Variants in FTO observed in about 807,000 individuals in gnomAD.
FTO encodes the protein alpha-ketoglutarate-dependent dioxygenase FTO.
Under a neutral mutation model 63.9 loss-of-function variants are expected in FTO, and 47 were observed. The ratio of observed to expected loss-of-function variants is 0.74; its 90% CI spans 0.58 to 0.94. FTO has a LOEUF of 0.94. Ranked by LOEUF, FTO falls within the 40% of genes least tolerant of loss-of-function variation. The pLI, the probability that FTO is intolerant of heterozygous loss-of-function variation, is 0.00. For synonymous variants in FTO, 207 were observed against 224.4 expected (o/e 0.92, Z 0.69); for missense variants, 562 against 618.1 (o/e 0.91, Z 0.96).
intron 8 of FTO, chr16:53,937,520 C>T (rs1046387770): frequency 1.9e-5 from 7 of 361,722 alleles, no homozygotes; most frequent in Non-Finnish European, 2.0e-5. Flanking sequence ...CTGCAAGGAC[C>T]GGGTGTCCCA....
At chr16:54,041,456 CAT>C (rs1267163789) in intron 8 of FTO, among the ~76,000 whole-genome samples, 2 of 152,158 alleles carry the variant, frequency 1.3e-5, no homozygotes, top group Admixed American at 1.3e-4. Flanking sequence ...AACCATATCA[CAT>C]GTTAAACTTT....
At chr16:53,811,725 C>G (rs1171142816) in intron 2 of FTO, among the ~76,000 whole-genome samples, 1 of 152,168 alleles carries the variant, frequency 6.6e-6, no homozygotes, top group Non-Finnish European at 1.5e-5. Context: ...TGGATTTTTG[C>G]AGTACTTTAA....
intron 7 of FTO, among the ~76,000 whole-genome samples, chr16:53,910,067 T>C (rs149926069): frequency 1.3e-5 from 2 of 152,216 alleles, no homozygotes; most frequent in East Asian, 3.9e-4. Flanking sequence ...AATTTATTAT[T>C]TGTGGAGATG....
chr16:53,738,607 C>T (rs1346655609), intron 1 of FTO, among the ~76,000 whole-genome samples: 1 of 152,050 alleles, frequency 6.6e-6, no homozygotes, highest in African/African-American at 2.4e-5. Context: ...TGAGCATATA[C>T]CTGGAAGTGG....
intron 8 of FTO, among the ~76,000 whole-genome samples, chr16:54,074,253 A>G (rs1263633008): frequency 6.6e-6 from 1 of 152,172 alleles, no homozygotes; most frequent in East Asian, 1.9e-4. Context: ...TTGAGGCTAA[A>G]TATTTCTGGG....
chr16:53,723,614 A>T (rs2076088566), intron 1 of FTO, among the ~76,000 whole-genome samples: 1 of 152,232 alleles, frequency 6.6e-6, no homozygotes, highest in Non-Finnish European at 1.5e-5. Flanking sequence ...CCTCATCACA[A>T]GTATGTAGCA....
chr16:54,085,049 T>G (rs1317758126), intron 8 of FTO, among the ~76,000 whole-genome samples: 3 of 110,484 alleles, frequency 2.7e-5, no homozygotes, highest in African/African-American at 8.7e-5. Flanking sequence ...GGTGCCTTAC[T>G]TACTGCTCCC....
intron 8 of FTO, among the ~76,000 whole-genome samples, chr16:53,973,129 A>C (rs1172390129): frequency 6.6e-6 from 1 of 152,134 alleles, no homozygotes; most frequent in African/African-American, 2.4e-5. Context: ...TTAGCCTCCT[A>C]AGCAAAGATC....
At chr16:54,001,977 A>G (rs776410128) in intron 8 of FTO, among the ~76,000 whole-genome samples, 4 of 152,162 alleles carry the variant, frequency 2.6e-5, no homozygotes, top group South Asian at 4.1e-4. Context: ...GATTAGTCAC[A>G]TTTTGTTTCA....
intron 8 of FTO, among the ~76,000 whole-genome samples, chr16:54,062,822 G>T (rs2085616264): frequency 6.6e-6 from 1 of 152,194 alleles, no homozygotes; most frequent in East Asian, 1.9e-4. Flanking sequence ...CTGTGAAAGT[G>T]GCTGGGGATC....
chr16:53,799,826 A>T (rs560236868), intron 1 of FTO, among the ~76,000 whole-genome samples: 30 of 152,294 alleles, frequency 2.0e-4, no homozygotes, highest in Non-Finnish European at 3.5e-4. Flanking sequence ...TGTCTATTTT[A>T]TCTAAGTTCT....
intron 8 of FTO, among the ~76,000 whole-genome samples, chr16:54,081,883 G>A (rs1003154988): frequency 5.9e-5 from 9 of 152,108 alleles, no homozygotes; most frequent in Admixed American, 3.3e-4. Context: ...AAATCATAAC[G>A]GAACAGAGAT....
chr16:53,976,958 C>A (rs1408284608), intron 8 of FTO, among the ~76,000 whole-genome samples: 4 of 152,004 alleles, frequency 2.6e-5, no homozygotes, highest in Admixed American at 1.3e-4. Context: ...AATGATGTTG[C>A]CTTTCTCTCT....
chr16:54,086,344 C>G (rs1487359240), intron 8 of FTO, among the ~76,000 whole-genome samples: 1 of 152,214 alleles, frequency 6.6e-6, no homozygotes, highest in Non-Finnish European at 1.5e-5. Context: ...GGCAAGGGCA[C>G]TGCAGGATCA....
intron 8 of FTO, among the ~76,000 whole-genome samples, chr16:54,068,000 T>A (rs2085774651): frequency 6.6e-6 from 1 of 151,990 alleles, no homozygotes; most frequent in South Asian, 2.1e-4. Flanking sequence ...CTCCTCCAGA[T>A]ATAACTGGGG....
chr16:53,766,654 A>G (rs2077210602), intron 1 of FTO, among the ~76,000 whole-genome samples: 1 of 152,132 alleles, frequency 6.6e-6, no homozygotes, highest in Non-Finnish European at 1.5e-5. Flanking sequence ...ACCATCAAAG[A>G]GGCTGTTGTG....
chr16:53,815,567 T>TC (rs2078652115), intron 2 of FTO, among the ~76,000 whole-genome samples: 2 of 151,346 alleles, frequency 1.3e-5, no homozygotes, highest in African/African-American at 4.9e-5. Context: ...TTTTGTTGAG[T>TC]CGCCTTTGCT....
chr16:54,023,932 A>G (rs1335610223), intron 8 of FTO, among the ~76,000 whole-genome samples: 1 of 152,096 alleles, frequency 6.6e-6, no homozygotes, highest in African/African-American at 2.4e-5. Flanking sequence ...TTTTTATTTA[A>G]TGCTACATTG....
chr16:53,874,680 G>A (rs1038288334), intron 5 of FTO, among the ~76,000 whole-genome samples: 9 of 152,198 alleles, frequency 5.9e-5, no homozygotes, highest in African/African-American at 1.4e-4. Flanking sequence ...GCAGTACTGC[G>A]TGAGTCTATA....
Sources: gnomAD v4.1 joint callset for allele counts (sites outside exome capture counted in the v4.1 genomes callset) on GRCh38, gnomAD v4.1.1 for gene constraint, MANE v1.5 for transcripts, NCBI Gene and HGNC (gene_info 2026-07-23, HGNC 2026-07-21) for gene names.